The following RASA3 variants were observed in gnomAD, a reference collection of about 807,000 sequenced individuals.
RASA3 encodes RAS p21 protein activator 3.
Under a neutral mutation model 110.0 loss-of-function variants are expected in RASA3, and 73 were observed. The observed-to-expected ratio is 0.66, with a 90% CI of 0.55 to 0.81. RASA3 has a LOEUF of 0.81. RASA3 is among the 30% of genes least tolerant of loss of function. The pLI is 0.00. For synonymous variants in RASA3, 500 were observed against 451.4 expected, an observed-to-expected ratio of 1.11 and a Z score of -1.37; for missense variants, 976 against 1,113.2, an observed-to-expected ratio of 0.88 and a Z score of 1.75.
rs371643150 is a variant in RASA3, at chr13:114,018,976, C to T, written c.786-57G>A. ...TGAGGCTGCATCTGCCAAGGAGCAGCTCTCAGGGAAGCCCAGCTGCCTGCT... is the reference window on the plus strand; with the variant it reads ...TGAGGCTGCATCTGCCAAGGAGCAGTTCTCAGGGAAGCCCAGCTGCCTGCT... On this transcript the variant is annotated intron_variant, in intron 9 of 23. Coordinates refer to ENST00000334062, the MANE Select transcript of RASA3 (RefSeq NM_007368.4). 3,093 of 1,603,138 alleles carry T rather than the reference C, an allele frequency of 1.9e-3. 84 individuals are homozygous for T. In the South Asian group the frequency reaches 0.032, roughly 17 times the overall value.
At chr13:114,078,523 C>T (rs1211468991) in intron 1 of RASA3, among the ~76,000 whole-genome samples, 3 of 152,184 alleles carry the variant, frequency 2.0e-5, no homozygotes, top group Non-Finnish European at 2.9e-5. Context: ...AAAACATATG[C>T]GGTGTGTTCA....
At chr13:113,997,348 T>A in intron 20 of RASA3, among the ~76,000 whole-genome samples, 1 of 152,048 alleles carries the variant, frequency 6.6e-6, no homozygotes, top group Non-Finnish European at 1.5e-5. Flanking sequence ...AAGCCTGGCA[T>A]AGAGTTTCTA....
chr13:114,069,676 C>T (rs1255103764), intron 2 of RASA3, among the ~76,000 whole-genome samples: 1 of 43,994 alleles, frequency 2.3e-5, no homozygotes, highest in African/African-American at 1.1e-4. Context: ...CTGAGGGGGC[C>T]GGGAAACTGG....
chr13:114,014,145 C>T lies in RASA3; in HGVS notation c.1406-897G>A, dbSNP rs2053738574. ...CTCCTTGTCTCTCTCTGTCTCTCTC[C>T]TTCTGTCTCTGCCTCTCTCTCCATC... On this transcript the variant is annotated intron_variant, in intron 14 of 23. Transcript: ENST00000334062. This position sits in a 1 kb window ranked among gnomAD's most constrained non-coding sequence, Gnocchi z 4.5. 6.6e-6 allele frequency among the ~76,000 whole-genome samples: 1 copy of T among 150,534 alleles called. No individual in the cohort carries two copies. Among genetic ancestry groups the T allele is most frequent in the Admixed American group, 6.8e-5 (1 of 14,736 alleles).
chr13:114,098,525 G>A (rs561948003), intron 1 of RASA3, among the ~76,000 whole-genome samples: 6 of 152,306 alleles, frequency 3.9e-5, no homozygotes, highest in African/African-American at 9.6e-5. Flanking sequence ...CAGGGCTGCA[G>A]CCCTGAGACC....
chr13:114,017,411 C>T, intron 11 of RASA3, 60 bp from the exon 12 acceptor site: 1 of 1,369,270 alleles, frequency 7.3e-7, no homozygotes. Flanking sequence ...GCAGACGGAG[C>T]AGAGCCTGGC....
At chr13:114,079,800 C>T (rs957344833) in intron 1 of RASA3, among the ~76,000 whole-genome samples, 2 of 152,166 alleles carry the variant, frequency 1.3e-5, no homozygotes, top group African/African-American at 2.4e-5. Flanking sequence ...CCGTGACTGG[C>T]CTCTGAGTGG....
At position 113,993,149 on chromosome 13, in the gene RASA3, A is replaced by G. The variant is rs78035270; in HGVS notation, c.2142-561T>C. ...ATTCCTTCAGTCATTTCAAACACAGAAGGAGGCTGTGTGCTTGTTTCCCTG... is the reference window on the plus strand; with the variant it reads ...ATTCCTTCAGTCATTTCAAACACAGGAGGAGGCTGTGTGCTTGTTTCCCTG... On this transcript the variant is annotated intron_variant, in intron 21 of 23. Coordinates refer to ENST00000334062, the MANE Select transcript of RASA3 (RefSeq NM_007368.4). 8.1e-4 allele frequency among the ~76,000 whole-genome samples: 123 copies of G among 152,290 alleles called. 2 individuals carry two copies. The highest frequency in any genetic ancestry group is 2.8e-3 in the African/African-American group (117 of 41,556).
chr13:114,095,294 A>G (rs1928452), intron 1 of RASA3, among the ~76,000 whole-genome samples: 2 of 151,960 alleles, frequency 1.3e-5, no homozygotes, highest in Admixed American at 1.3e-4. Context: ...AAGTGTAAAC[A>G]CAGTGGTTTT....
At chr13:114,030,526 A>ACTCACACAGAGGGCAAGG (rs1566502074) in intron 4 of RASA3, among the ~76,000 whole-genome samples, 19 of 111,404 alleles carry the variant, frequency 1.7e-4, no homozygotes, top group African/African-American at 4.8e-4. Flanking sequence ...AGAGAGCAAG[A>ACTCACACAGAGGGCAAGG]CTCACACAGA....
intron 21 of RASA3, among the ~76,000 whole-genome samples, chr13:113,995,709 CGGAGGACCCAGCTGAT>C (rs2053221849): frequency 3.5e-5 from 2 of 56,932 alleles, no homozygotes; most frequent in African/African-American, 9.8e-5. Flanking sequence ...GGCTGGCTGA[CGGAGGACCCAGCTGAT>C]GGGGGGCCCG....
At chr13:114,108,272 TGTCTGTCATCCCCGTCCGTCACCC>T in intron 1 of RASA3, among the ~76,000 whole-genome samples, 1 of 30,556 alleles carries the variant, frequency 3.3e-5, no homozygotes, top group Non-Finnish European at 8.1e-5. Flanking sequence ...CGTCACCCCG[TGTCTGTCATCCCCGTCCGTCACCC>T]CATGTCTGTC....
chr13:114,126,483 C>T (rs371618927), intron 1 of RASA3, among the ~76,000 whole-genome samples: 33 of 151,488 alleles, frequency 2.2e-4, no homozygotes, highest in Middle Eastern at 3.4e-3. Context: ...TCCAAGATGA[C>T]AGCCAAAACC....
chr13:114,024,138 C>T (rs950822032), intron 8 of RASA3, 141 bp downstream of exon 8: 34 of 910,674 alleles, frequency 3.7e-5, no homozygotes, highest in Non-Finnish European at 5.5e-5. Context: ...ACTACAACTT[C>T]TAACATCCTG....
intron 4 of RASA3, among the ~76,000 whole-genome samples, chr13:114,038,151 G>A (rs780319647): frequency 3.9e-5 from 6 of 152,032 alleles, no homozygotes; most frequent in East Asian, 1.9e-4. Flanking sequence ...CGAGGCAAAC[G>A]ACGAGGCCGC....
At chr13:114,089,098 G>C (rs2079857272) in intron 1 of RASA3, among the ~76,000 whole-genome samples, 1 of 152,014 alleles carries the variant, frequency 6.6e-6, no homozygotes, top group African/African-American at 2.4e-5. Context: ...TCCCAGCAGG[G>C]CTCTGTCCCC....
intron 18 of RASA3, among the ~76,000 whole-genome samples, chr13:114,004,829 TTACC>T (rs1377308169): frequency 2.0e-5 from 3 of 152,166 alleles, no homozygotes; most frequent in Admixed American, 6.5e-5. Context: ...ATGCGTACGT[TTACC>T]GCTGAACCAC....
rs996489537 is a variant in RASA3, at chr13:114,096,273, C to G, written c.56-22436G>C. On this transcript the variant is annotated intron_variant, in intron 1 of 23. Coordinates refer to ENST00000334062, the MANE Select transcript of RASA3 (RefSeq NM_007368.4). The surrounding 1 kb of genome is among the most constrained non-coding windows in gnomAD (Gnocchi z 5.1). Reference sequence around the variant, plus strand: ...ACGTTCTCGAAAATGCAGGGTGACCCTGGCGCAGGATCGGGTCTGAGAGCT... The same window carrying G: ...ACGTTCTCGAAAATGCAGGGTGACCGTGGCGCAGGATCGGGTCTGAGAGCT... 3.3e-5 allele frequency among the ~76,000 whole-genome samples: 5 copies of G among 152,190 alleles called. No individual in the cohort carries two copies. Among genetic ancestry groups the G allele is most frequent in the African/African-American group, 9.7e-5 (4 of 41,446 alleles).
intron 1 of RASA3, among the ~76,000 whole-genome samples, chr13:114,075,523 C>CT (rs1385997433): frequency 8.8e-6 from 1 of 113,120 alleles, no homozygotes; most frequent in East Asian, 2.7e-4. Context: ...CGCCGCGTAT[C>CT]TCTGGGTGTG....
Sources: allele counts gnomAD v4.1 joint callset (sites outside exome capture counted in the v4.1 genomes callset), GRCh38; gene constraint gnomAD v4.1.1; non-coding constraint Gnocchi (gnomAD v3.1); transcripts MANE v1.5; gene names NCBI Gene and HGNC (gene_info 2026-07-23, HGNC 2026-07-21).